RFC3: variants seen among roughly 807,000 people sequenced by gnomAD.
The protein encoded by RFC3 is A1 38 kDa subunit.
In RFC3, 41 loss-of-function variants were observed where a neutral mutation model predicts 45.1. The ratio of observed to expected loss-of-function variants is 0.91; its 90% CI spans 0.71 to 1.18. The LOEUF (loss-of-function observed/expected upper bound fraction) is 1.18, where lower values mean the gene tolerates loss of function less well. Ranked by LOEUF, RFC3 falls within the 50% of genes most tolerant of loss-of-function variation. RFC3 has a pLI of 0.00. For missense variants in RFC3, 423 were observed against 428.1 expected (o/e 0.99, Z 0.10); for synonymous variants, 149 against 144.0 (o/e 1.03, Z -0.25).
chr13:33,883,515 TACAC>T (rs936948907), intron 8 of RFC3, among the ~76,000 whole-genome samples: 31 of 151,952 alleles, frequency 2.0e-4, no homozygotes, highest in African/African-American at 6.3e-4. Context: ...CACACACACA[TACAC>T]ACACACAAAC....
chr13:33,830,016 A>G lies in RFC3; in HGVS notation c.572A>G (p.Asp191Gly), dbSNP rs777480803. 6.2e-7 allele frequency: 1 copy of G among 1,612,870 alleles called. No homozygotes were observed. The highest frequency in any genetic ancestry group is 8.5e-7 in the Non-Finnish European group (1 of 1,179,082). Reference protein sequence around the residue: ...AVRVPAPSIEDICHVLSTVCK... With the variant: ...AVRVPAPSIEGICHVLSTVCK... ...CGTGTGCCTGCTCCCAGCATTGAAG[A>G]TGTAGGTCAAGTTACACTTTTCTGA... Residue 191 changes from aspartate to glycine, a missense_variant and splice_region_variant, in exon 5 of 9, where the codon GAT (aspartate) becomes GGT (glycine). Transcript: ENST00000380071.
chr13:33,950,811 T>C (rs1422944122), intron 8 of RFC3, among the ~76,000 whole-genome samples: 3 of 152,138 alleles, frequency 2.0e-5, no homozygotes, highest in Non-Finnish European at 4.4e-5. Flanking sequence ...TTAGGTTTCT[T>C]CTCCTTGTAG....
At chr13:33,838,254 T>C (rs1171609934), downstream of RFC3, among the ~76,000 whole-genome samples, 1 of 152,132 alleles carries the variant, frequency 6.6e-6, no homozygotes, top group East Asian at 1.9e-4. Flanking sequence ...TTTTTATTTC[T>C]AATGATATTC....
intron 8 of RFC3, among the ~76,000 whole-genome samples, chr13:33,876,272 GC>G (rs1481087637): frequency 6.6e-6 from 1 of 152,204 alleles, no homozygotes; most frequent in African/African-American, 2.4e-5. Context: ...TGCTAGAGAA[GC>G]GCTTCCGTGG....
chr13:33,957,628 A>G (rs2083029989), intron 8 of RFC3, among the ~76,000 whole-genome samples: 1 of 152,198 alleles, frequency 6.6e-6, no homozygotes, highest in Non-Finnish European at 1.5e-5. Flanking sequence ...AAAGCCAAGT[A>G]CATAACTGTG....
intron 8 of RFC3, among the ~76,000 whole-genome samples, chr13:33,930,696 G>C (rs1050004743): frequency 1.3e-5 from 2 of 152,102 alleles, no homozygotes; most frequent in African/African-American, 2.4e-5. Flanking sequence ...CTCCTCTTCT[G>C]TGAATTGTCA....
chr13:33,833,586 A>C lies in RFC3; in HGVS notation c.810-1562A>C, dbSNP rs185325313. Among the ~76,000 whole-genome samples the C allele has an allele frequency of 2.1e-4, 32 of 152,314 alleles. No homozygotes were observed. In the East Asian group the frequency reaches 5.8e-3, roughly 28 times the overall value. Reference sequence around the variant, plus strand: ...AATGTTAGAAGTTAACTCAAGACTAACACAAGATGCATGTTAACATGTATG... The same window carrying C: ...AATGTTAGAAGTTAACTCAAGACTACCACAAGATGCATGTTAACATGTATG... On this transcript the variant is annotated intron_variant, in intron 7 of 8. Coordinates refer to ENST00000380071, the MANE Select transcript of RFC3 (RefSeq NM_002915.4).
chr13:33,842,014 G>T (rs542072320), downstream of RFC3, among the ~76,000 whole-genome samples: 9 of 152,278 alleles, frequency 5.9e-5, 1 homozygote, highest in South Asian at 1.9e-3. Flanking sequence ...CAGGTGCGGT[G>T]ACCATGCCTG....
At chr13:33,940,700 C>T (rs962943621) in intron 8 of RFC3, among the ~76,000 whole-genome samples, 3 of 152,192 alleles carry the variant, frequency 2.0e-5, no homozygotes, top group African/African-American at 7.2e-5. Context: ...TTACCGTAGT[C>T]TAATAAAATT....
rs2082957557 is a variant in RFC3 at position 33,946,868 on chromosome 13, G to T, written c.880-19219G>T. On this transcript the variant is annotated intron_variant, in intron 8 of 8. Transcript: ENST00000434425. ...ATGTGAAATCTGAAACCATGTCGGT[G>T]AGCTTTTTGTACGCAGCTATAATAA... Among the ~76,000 whole-genome samples the T allele has an allele frequency of 2.0e-5, 3 of 152,334 alleles. No homozygotes were observed. In the South Asian group the frequency reaches 6.2e-4, roughly 32 times the overall value.
Position 33,829,843 on chromosome 13 carries a change from A to G in RFC3, c.399A>G (p.Leu133=), listed in dbSNP as rs1233556107. 1.2e-6 allele frequency: 2 copies of G among 1,613,852 alleles called. No individual in the cohort carries two copies. The highest frequency in any genetic ancestry group is 1.7e-6 in the Non-Finnish European group (2 of 1,179,710). Reference sequence around the variant, plus strand: ...TGTTTCTCTTTGACTCAGTGGTATTATTGACAGAAGTTGACAAACTCACCA... The same window carrying G: ...TGTTTCTCTTTGACTCAGTGGTATTGTTGACAGAAGTTGACAAACTCACCA... ...TNSQRDFKVV[L]LTEVDKLTKD... Residue 133 remains leucine, a synonymous_variant, in exon 5 of 9, where the codon TTA becomes TTG. Transcript: ENST00000380071.
At chr13:33,823,344 G>A (rs1349970072) in intron 2 of RFC3, among the ~76,000 whole-genome samples, 1 of 152,164 alleles carries the variant, frequency 6.6e-6, no homozygotes, top group Non-Finnish European at 1.5e-5. Flanking sequence ...TATGTACAGA[G>A]ATATTAATTG....
intron 8 of RFC3, chr13:33,846,047 G>A (rs1350675576): frequency 2.6e-5 from 4 of 152,152 alleles, no homozygotes; most frequent in Admixed American, 6.5e-5. Context: ...TGGTGGTCTT[G>A]GGTAAGATAC....
intron 8 of RFC3, among the ~76,000 whole-genome samples, chr13:33,878,541 G>A (rs2082462552): frequency 6.6e-6 from 1 of 152,114 alleles, no homozygotes; most frequent in Admixed American, 6.6e-5. Flanking sequence ...ATGAGGAGCA[G>A]GTATGGGGTA....
intron 2 of RFC3, among the ~76,000 whole-genome samples, chr13:33,822,980 G>C (rs2139381934): frequency 6.6e-6 from 1 of 152,230 alleles, no homozygotes. Flanking sequence ...AGACAATCTG[G>C]TAGAAAACTG....
intron 8 of RFC3, chr13:33,846,060 G>T (rs1344031563): frequency 2.0e-5 from 3 of 152,166 alleles, no homozygotes; most frequent in African/African-American, 7.2e-5. Context: ...TAAGATACAA[G>T]AGAATTCCCT....
downstream of RFC3, among the ~76,000 whole-genome samples, chr13:33,969,655 A>G (rs2083102004): frequency 6.6e-6 from 1 of 152,184 alleles, no homozygotes; most frequent in Non-Finnish European, 1.5e-5. Flanking sequence ...CAATAGAAAG[A>G]TTCGACCTGA....
At chr13:33,896,900 T>G (rs1197779073) in intron 8 of RFC3, among the ~76,000 whole-genome samples, 1 of 151,848 alleles carries the variant, frequency 6.6e-6, no homozygotes, top group African/African-American at 2.4e-5. Context: ...AAGCTATCCT[T>G]CAAATATGCA....
Position 33,836,806 on chromosome 13 carries a change from T to G in RFC3, c.*511T>G. On this transcript the variant is annotated 3_prime_UTR_variant, in exon 9 of 9. Coordinates refer to ENST00000380071, the MANE Select transcript of RFC3 (RefSeq NM_002915.4). The stretch of plus-strand genomic sequence containing the variant: ...GTATGGACAAAATTGCAGATACCAT[T>G]TCTGTTGAGGCTGCAGATTTCCAAC... 1.0e-6 allele frequency: 1 copy of G among 985,798 alleles called. No individual in the cohort carries two copies. The highest frequency in any genetic ancestry group is 1.2e-6 in the Non-Finnish European group (1 of 830,160). 61.1% of individuals were successfully genotyped at this position (985,798 alleles called of 1,614,324 possible).
Sources: gnomAD v4.1 joint callset for allele counts (sites outside exome capture counted in the v4.1 genomes callset) on GRCh38, gnomAD v4.1.1 for gene constraint, MANE v1.5 for transcripts, NCBI Gene and HGNC (gene_info 2026-07-23, HGNC 2026-07-21) for gene names.